The following RELN variants were observed in gnomAD, a reference collection of about 807,000 sequenced individuals.
RELN encodes reelin.
RELN carries 108 observed loss-of-function variants against 427.6 expected under a neutral mutation model. That is an observed-to-expected ratio of 0.25 (90% CI 0.22 to 0.30). RELN has a LOEUF of 0.30. Ranked by LOEUF, RELN falls within the 10% of genes least tolerant of loss-of-function variation. The pLI, the probability that RELN is intolerant of heterozygous loss-of-function variation, is 1.00. For missense variants in RELN, 3,715 were observed against 4,302.8 expected, an observed-to-expected ratio of 0.86 and a Z score of 3.82; for synonymous variants, 1,524 against 1,513.4, an observed-to-expected ratio of 1.01 and a Z score of -0.16.
intron 46 of RELN, among the ~76,000 whole-genome samples, chr7:103,528,063 T>C (rs1412318130): frequency 6.6e-6 from 1 of 152,160 alleles, no homozygotes; most frequent in East Asian, 1.9e-4. Context: ...GTCCTAGGTA[T>C]ATAGCCAAGA....
In RELN at chr7:103,933,491, A is replaced by AAGGAAGGGAGGG. The variant is rs202134164; in HGVS notation, c.227-16318_227-16307dup. Among the ~76,000 whole-genome samples, 226 of 133,230 alleles carry AAGGAAGGGAGGG rather than the reference A, an allele frequency of 1.7e-3. 1 individual carries two copies. In the East Asian group the frequency reaches 0.044, roughly 26 times the overall value. 87.4% of individuals were successfully genotyped at this position (133,230 alleles called of 152,430 possible). ...AGGAGTATCACTTGAGCCCAGGAGA[A>AAGGAAGGGAGGG]AGGAAGGGAGGGAGGGAGGGAGGGA... On this transcript the variant is annotated intron_variant, in intron 1 of 64. Transcript: ENST00000428762.
At chr7:103,818,890 T>C (rs1187852278) in intron 3 of RELN, among the ~76,000 whole-genome samples, 2 of 151,876 alleles carry the variant, frequency 1.3e-5, no homozygotes, top group Non-Finnish European at 2.9e-5. Flanking sequence ...CACACACATA[T>C]TTATTGGGAA....
intron 64 of RELN, among the ~76,000 whole-genome samples, chr7:103,476,058 C>G (rs533382462): frequency 2.6e-5 from 4 of 152,072 alleles, no homozygotes; most frequent in Non-Finnish European, 5.9e-5. Flanking sequence ...GGCCTGGGTG[C>G]TCTTTAATTT....
intron 20 of RELN, among the ~76,000 whole-genome samples, chr7:103,628,934 G>T (rs1832389462): frequency 6.6e-6 from 1 of 152,124 alleles, no homozygotes; most frequent in Admixed American, 6.5e-5. Context: ...CACATCTCTT[G>T]GTTTCCTTGA....
At chr7:103,695,173 A>C (rs1833952268) in intron 10 of RELN, among the ~76,000 whole-genome samples, 1 of 152,160 alleles carries the variant, frequency 6.6e-6, no homozygotes, top group Non-Finnish European at 1.5e-5. Context: ...CTAAAGAAAC[A>C]ATTTTTATTT....
intron 11 of RELN, among the ~76,000 whole-genome samples, chr7:103,671,729 T>C (rs1378186365): frequency 1.3e-5 from 2 of 152,178 alleles, no homozygotes; most frequent in African/African-American, 2.4e-5. Flanking sequence ...ATCAAGGATA[T>C]ACTTAGCAAA....
At chr7:103,625,258 A>G (rs1047069041) in intron 20 of RELN, among the ~76,000 whole-genome samples, 1 of 152,228 alleles carries the variant, frequency 6.6e-6, no homozygotes, top group African/African-American at 2.4e-5. Flanking sequence ...AATGTAATCC[A>G]TCTGTGTAGT....
At chr7:103,526,138 TAGC>T (rs1410528089) in intron 46 of RELN, among the ~76,000 whole-genome samples, 1 of 152,182 alleles carries the variant, frequency 6.6e-6, no homozygotes, top group Non-Finnish European at 1.5e-5. Flanking sequence ...ATGGGTTGCC[TAGC>T]AGGTGGTTGC....
rs186464519 is a variant in RELN at position 103,768,350 on chromosome 7, C to T, written c.544+8207G>A. On this transcript the variant is annotated intron_variant, in intron 4 of 64. Transcript: ENST00000428762. ...GGCATGTGTTTACAATTACTTGGAA[C>T]CTCAGAGATATTAAAAAAAAAAATC... Among the ~76,000 whole-genome samples, 18 of 151,750 alleles carry T rather than the reference C, an allele frequency of 1.2e-4. 1 individual carries two copies. The East Asian group carries it at 3.5e-3, about 29-fold the overall frequency.
chr7:103,518,469 A>C (rs1829623361), intron 49 of RELN, among the ~76,000 whole-genome samples: 1 of 146,534 alleles, frequency 6.8e-6, no homozygotes. Flanking sequence ...AGTAGCTGGG[A>C]CTACAGGCAC....
At chr7:103,728,062 C>T (rs1382963447) in intron 7 of RELN, 49 bp downstream of exon 7, 3 of 1,583,254 alleles carry the variant, frequency 1.9e-6, no homozygotes, top group East Asian at 2.2e-5. Flanking sequence ...TGGCAAAAAG[C>T]TCAGTAAATA....
intron 8 of RELN, among the ~76,000 whole-genome samples, chr7:103,722,894 T>C (rs1299917920): frequency 6.6e-6 from 1 of 152,196 alleles, no homozygotes; most frequent in Non-Finnish European, 1.5e-5. Flanking sequence ...ATGTAAATCA[T>C]CTTAAGATTT....
At chr7:103,676,306 C>T (rs1267947841) in intron 11 of RELN, among the ~76,000 whole-genome samples, 4 of 152,100 alleles carry the variant, frequency 2.6e-5, no homozygotes, top group South Asian at 2.1e-4. Context: ...TCATCACTGG[C>T]CATCAGAGAA....
intron 1 of RELN, among the ~76,000 whole-genome samples, chr7:103,982,605 A>C (rs748489017): frequency 6.6e-6 from 1 of 152,110 alleles, no homozygotes; most frequent in South Asian, 2.1e-4. Flanking sequence ...GAGTCAAAGG[A>C]AGCAAAGGAG....
chr7:103,670,939 T>A (rs926976232), intron 11 of RELN, among the ~76,000 whole-genome samples: 5 of 152,080 alleles, frequency 3.3e-5, no homozygotes, highest in African/African-American at 1.2e-4. Context: ...AAGTATGAAC[T>A]AAGATCCAGA....
chr7:103,872,017 T>TAC lies in RELN; in HGVS notation c.338-38346_338-38345insGT, dbSNP rs1183090873. Among the ~76,000 whole-genome samples the TAC allele has an allele frequency of 2.0e-3, 205 of 100,224 alleles. 1 individual carries two copies. The highest frequency in any genetic ancestry group is 3.1e-3 in the Admixed American group (29 of 9,498). 65.8% of individuals were successfully genotyped at this position (100,224 alleles called of 152,430 possible). On this transcript the variant is annotated intron_variant, in intron 2 of 64. Transcript: ENST00000428762. Reference sequence around the variant, plus strand: ...ACATTCTATCTACAGTATATGAATATATATATATATATATTTTTCTTTTTT... The same window carrying TAC: ...ACATTCTATCTACAGTATATGAATATACATATATATATATATTTTTCTTTTTT...
At chr7:103,884,506 T>A (rs1794680378) in intron 2 of RELN, among the ~76,000 whole-genome samples, 1 of 152,090 alleles carries the variant, frequency 6.6e-6, no homozygotes, top group South Asian at 2.1e-4. Context: ...ACCTACAGAA[T>A]GGGAGAAAAT....
At chr7:103,728,004 A>G (rs190359251) in intron 7 of RELN, 107 bp downstream of exon 7, 2 of 1,006,978 alleles carry the variant, frequency 2.0e-6, no homozygotes, top group South Asian at 1.4e-5. Flanking sequence ...CTCATAAATC[A>G]TATTTGAATT....
In RELN at chr7:103,630,182, GAA is replaced by G. The variant is rs571882672; in HGVS notation, c.2466-8_2466-7del. ...GTAGTTCTACGGAGATTATTCTAGAGAAAAAAAAAAAGTCAAAATTTAGATTA... is the reference window on the plus strand; with the variant it reads ...GTAGTTCTACGGAGATTATTCTAGAGAAAAAAAAAGTCAAAATTTAGATTA... On this transcript the variant is annotated splice_region_variant and splice_polypyrimidine_tract_variant and intron_variant, in intron 19 of 64. Transcript: ENST00000428762. 2.4e-5 allele frequency: 30 copies of G among 1,261,766 alleles called. No individual in the cohort carries two copies. Among genetic ancestry groups the G allele is most frequent in the Non-Finnish European group, 2.9e-5 (27 of 927,466 alleles). The allele number at this position is 1,261,766 out of a possible 1,614,324, so 78.2% of individuals were successfully genotyped here.
Sources: allele counts gnomAD v4.1 joint callset (sites outside exome capture counted in the v4.1 genomes callset), GRCh38; gene constraint gnomAD v4.1.1; transcripts MANE v1.5; gene names NCBI Gene and HGNC (gene_info 2026-07-23, HGNC 2026-07-21).